The following ATL2 variants were observed in gnomAD, a reference collection of about 807,000 sequenced individuals.
ATL2 encodes the protein atlastin-2.
Under a neutral mutation model 73.9 loss-of-function variants are expected in ATL2, and 31 were observed. The ratio of observed to expected loss-of-function variants is 0.42; its 90% CI spans 0.32 to 0.57. The LOEUF (loss-of-function observed/expected upper bound fraction) is 0.57. Ranked by LOEUF, ATL2 falls within the 20% of genes least tolerant of loss-of-function variation. ATL2 has a pLI of 0.14. For missense variants in ATL2, 738 were observed against 702.6 expected (o/e 1.05, Z -0.57); for synonymous variants, 291 against 237.5 (o/e 1.23, Z -2.07).
At chr2:38,371,576 AG>A (rs1300630601) in intron 1 of ATL2, among the ~76,000 whole-genome samples, 1 of 151,720 alleles carries the variant, frequency 6.6e-6, no homozygotes, top group East Asian at 1.9e-4. Flanking sequence ...ACCACTGGGA[AG>A]GAAAAAAAAA....
upstream of ATL2, chr2:38,377,280 A>G (rs1405197683): frequency 1.1e-5 from 17 of 1,536,968 alleles, no homozygotes; most frequent in Non-Finnish European, 1.5e-5. Flanking sequence ...ATTTAAAATT[A>G]ACTCCCCACT....
intron 2 of ATL2, 32 bp downstream of exon 2, chr2:38,343,236 T>C (rs776606662): frequency 4.5e-6 from 7 of 1,549,356 alleles, no homozygotes; most frequent in Non-Finnish European, 6.1e-6. Context: ...CTTTTTTCTT[T>C]TTAATTGGGT....
At chr2:38,303,983 G>T (rs572187622) in intron 9 of ATL2, among the ~76,000 whole-genome samples, 25 of 152,176 alleles carry the variant, frequency 1.6e-4, no homozygotes, top group Admixed American at 1.6e-3. Context: ...ACAACAACAG[G>T]CCAGGCACGG....
In ATL2 at chr2:38,295,776, AC is replaced by A. The variant is rs1278417045; in HGVS notation, c.*217del. ...AACATGGCACAAAGGTGCATGATTA[AC>A]CAATGCTCCTCAGTCCATCTGCATG... On this transcript the variant is annotated 3_prime_UTR_variant, in exon 13 of 13. Coordinates refer to ENST00000378954, the MANE Select transcript of ATL2 (RefSeq NM_001135673.4). 7.2e-6 allele frequency: 3 copies of A among 415,210 alleles called. No individual in the cohort carries two copies. The highest frequency in any genetic ancestry group is 1.3e-5 in the Non-Finnish European group (3 of 231,622). 25.7% of individuals were successfully genotyped at this position (415,210 alleles called of 1,614,324 possible). A position where few individuals can be genotyped will look rare whatever the true frequency, so the allele number is the denominator to read the frequency against.
intron 2 of ATL2, among the ~76,000 whole-genome samples, chr2:38,334,674 G>A (rs556279426): frequency 7.3e-5 from 11 of 150,698 alleles, no homozygotes; most frequent in South Asian, 2.1e-4. Flanking sequence ...CTCCAGCCTG[G>A]GCAACATGAA....
At chr2:38,364,001 C>T (rs1160797621) in intron 1 of ATL2, among the ~76,000 whole-genome samples, 1 of 152,186 alleles carries the variant, frequency 6.6e-6, no homozygotes, top group Non-Finnish European at 1.5e-5. Context: ...CAGTGGCTCA[C>T]GCCTGTAATC....
At chr2:38,311,122 A>G (rs1652883921) in intron 7 of ATL2, among the ~76,000 whole-genome samples, 1 of 126,644 alleles carries the variant, frequency 7.9e-6, no homozygotes, top group Non-Finnish European at 1.5e-5. Context: ...AGAACAAAAC[A>G]AAAAAAAAAG....
chr2:38,377,917 C>T (rs540083349), upstream of ATL2, among the ~76,000 whole-genome samples: 1 of 152,240 alleles, frequency 6.6e-6, no homozygotes, highest in South Asian at 2.1e-4. Flanking sequence ...TGAGACCTTC[C>T]CCCATCTTCT....
At chr2:38,345,586 G>A (rs1192500764) in intron 1 of ATL2, among the ~76,000 whole-genome samples, 5 of 152,202 alleles carry the variant, frequency 3.3e-5, no homozygotes, top group East Asian at 1.9e-4. Flanking sequence ...TTTAGTTAAA[G>A]GGGACATTAT....
intron 10 of ATL2, 86 bp from the exon 11 acceptor site, chr2:38,299,413 A>G: frequency 7.7e-7 from 1 of 1,301,762 alleles, no homozygotes; most frequent in Non-Finnish European, 1.0e-6. Context: ...ATGTACAATA[A>G]ACAAGTCTGA....
intron 1 of ATL2, chr2:38,376,552 G>A (rs914284350): frequency 1.2e-5 from 2 of 165,546 alleles, no homozygotes; most frequent in African/African-American, 2.4e-5. Context: ...CGCGAGCCCG[G>A]GGACAGAGCC....
In ATL2 at chr2:38,295,848, C is replaced by T. The variant is rs190886790; in HGVS notation, c.*146G>A. ...ATGCTTAAAACTAACAAACAATCTT[C>T]ACACTCTGTGGCAGCCATCTGTGAA... On this transcript the variant is annotated 3_prime_UTR_variant, in exon 13 of 13. Coordinates refer to ENST00000378954, the MANE Select transcript of ATL2 (RefSeq NM_001135673.4). 55 of 647,768 alleles carry T rather than the reference C, an allele frequency of 8.5e-5. 1 individual carries two copies. The East Asian group carries it at 1.6e-3, about 19-fold the overall frequency. The allele number at this position is 647,768 out of a possible 1,614,324, so 40.1% of individuals were successfully genotyped here.
Position 38,367,009 on chromosome 2 carries a change from A to T in ATL2, c.118+10134T>A, listed in dbSNP as rs541213903. 2.0e-5 allele frequency among the ~76,000 whole-genome samples: 3 copies of T among 152,080 alleles called. No individual in the cohort carries two copies. In the East Asian group the frequency reaches 5.8e-4, roughly 29 times the overall value. Reference sequence around the variant, plus strand: ...TTAAGACATTATCTTTATTACTATTATTATTTTTTTTAGCAACAGAGTCTC... The same window carrying T: ...TTAAGACATTATCTTTATTACTATTTTTATTTTTTTTAGCAACAGAGTCTC... On this transcript the variant is annotated intron_variant, in intron 1 of 12. Transcript: ENST00000378954.
chr2:38,302,083 G>T (rs868380842), intron 9 of ATL2, among the ~76,000 whole-genome samples: 5 of 152,166 alleles, frequency 3.3e-5, no homozygotes, highest in Admixed American at 1.3e-4. Flanking sequence ...ACACACCCTG[G>T]GCTGGAAGGG....
intron 1 of ATL2, chr2:38,359,740 T>C (rs1670894995): frequency 6.6e-6 from 1 of 152,170 alleles, no homozygotes; most frequent in South Asian, 2.1e-4. Context: ...TTTATAAATG[T>C]ATAAACTCAA....
intron 1 of ATL2, among the ~76,000 whole-genome samples, chr2:38,373,700 C>T (rs894959474): frequency 2.0e-4 from 30 of 152,226 alleles, no homozygotes; most frequent in African/African-American, 7.0e-4. Flanking sequence ...CACACAGAGA[C>T]ACGTTCCATA....
intron 1 of ATL2, among the ~76,000 whole-genome samples, chr2:38,343,936 G>A (rs1008288668): frequency 4.6e-5 from 7 of 152,046 alleles, no homozygotes; most frequent in Admixed American, 2.0e-4. Flanking sequence ...TTCACCTTCC[G>A]CCATGATTGT....
At chr2:38,327,661 G>C (rs114342656) in intron 2 of ATL2, among the ~76,000 whole-genome samples, 5 of 151,950 alleles carry the variant, frequency 3.3e-5, no homozygotes, top group African/African-American at 1.2e-4. Flanking sequence ...ACTGTTGGCC[G>C]GGCACAGTGC....
chr2:38,342,134 A>C (rs998586465), intron 2 of ATL2, among the ~76,000 whole-genome samples: 1 of 151,496 alleles, frequency 6.6e-6, no homozygotes, highest in African/African-American at 2.4e-5. Flanking sequence ...TTTTTTTTTC[A>C]GGAGAGAAAG....
Sources: gnomAD v4.1 joint callset for allele counts (sites outside exome capture counted in the v4.1 genomes callset) on GRCh38, gnomAD v4.1.1 for gene constraint, MANE v1.5 for transcripts, NCBI Gene and HGNC (gene_info 2026-07-23, HGNC 2026-07-21) for gene names.